Variants in ABCB1 observed in about 807,000 individuals in gnomAD.
The protein encoded by ABCB1 is ATP-dependent translocase ABCB1.
Under a neutral mutation model 142.0 loss-of-function variants are expected in ABCB1, and 69 were observed. That is an observed-to-expected ratio of 0.49 (90% CI 0.40 to 0.59). The LOEUF is 0.59. ABCB1 is among the 20% of genes least tolerant of loss of function. The pLI is 0.00. For synonymous variants in ABCB1, 532 were observed against 539.2 expected (o/e 0.99, Z 0.18); for missense variants, 1,326 against 1,554.7 (o/e 0.85, Z 2.47).
intron 2 of ABCB1, among the ~76,000 whole-genome samples, chr7:87,597,934 C>G (rs920531052): frequency 7.2e-5 from 11 of 152,034 alleles, no homozygotes; most frequent in African/African-American, 2.4e-4. Context: ...AGTTATATCT[C>G]TTTAGTCTCT....
intron 20 of ABCB1, among the ~76,000 whole-genome samples, chr7:87,533,573 C>T (rs1816154759): frequency 6.6e-6 from 1 of 152,206 alleles, no homozygotes; most frequent in Non-Finnish European, 1.5e-5. Flanking sequence ...ACACTGATTA[C>T]TATTCCTTTA....
chr7:87,635,399 A>G (rs2130237573), intron 1 of ABCB1, among the ~76,000 whole-genome samples: 1 of 152,306 alleles, frequency 6.6e-6, no homozygotes, highest in Non-Finnish European at 1.5e-5. Flanking sequence ...TCTGTGAGAA[A>G]TCTCTGTGTT....
chr7:87,604,525 A>G (rs1414084709), upstream of ABCB1, among the ~76,000 whole-genome samples: 1 of 152,124 alleles, frequency 6.6e-6, no homozygotes, highest in African/African-American at 2.4e-5. Flanking sequence ...ACATGTGATG[A>G]TAGGGGATAT....
chr7:87,709,486 G>T, intron 1 of ABCB1: 2 of 985,442 alleles, frequency 2.0e-6, no homozygotes, highest in Non-Finnish European at 2.4e-6. Flanking sequence ...CACAGGGCAA[G>T]CTAAAAGGGA....
chr7:87,688,154 G>C (rs146119078), intron 1 of ABCB1, among the ~76,000 whole-genome samples: 1 of 152,182 alleles, frequency 6.6e-6, no homozygotes, highest in East Asian at 1.9e-4. Flanking sequence ...GGAAATTCAG[G>C]AAAGGTGAAG....
intron 2 of ABCB1, 115 bp from the exon 3 acceptor site, chr7:87,595,929 A>AT (rs1819188934): frequency 3.9e-6 from 3 of 778,606 alleles, no homozygotes; most frequent in Non-Finnish European, 6.4e-6. Context: ...ATATGTCTAT[A>AT]TTATACAGTT....
At chr7:87,526,998 T>C (rs1035077481) in intron 21 of ABCB1, among the ~76,000 whole-genome samples, 2 of 152,082 alleles carry the variant, frequency 1.3e-5, no homozygotes, top group Non-Finnish European at 2.9e-5. Context: ...ATTTTTTTTT[T>C]CTAAAATAGG....
chr7:87,538,367 T>C (rs952515417), intron 19 of ABCB1, among the ~76,000 whole-genome samples: 1 of 152,180 alleles, frequency 6.6e-6, no homozygotes, highest in Non-Finnish European at 1.5e-5. Flanking sequence ...AGTCACTAGC[T>C]AGCAATTCCC....
chr7:87,618,651 T>C (rs986046766), intron 1 of ABCB1, among the ~76,000 whole-genome samples: 1 of 152,244 alleles, frequency 6.6e-6, no homozygotes, highest in Non-Finnish European at 1.5e-5. Flanking sequence ...GTATTACTCC[T>C]GTGATTACAT....
intron 3 of ABCB1, among the ~76,000 whole-genome samples, chr7:87,587,718 A>C (rs530823708): frequency 9.5e-4 from 144 of 151,994 alleles, no homozygotes; most frequent in Middle Eastern, 6.8e-3. Context: ...AAAATACAAA[A>C]AAAGAAATTA....
chr7:87,695,618 T>G (rs550990141), intron 1 of ABCB1, among the ~76,000 whole-genome samples: 1 of 152,250 alleles, frequency 6.6e-6, no homozygotes, highest in Middle Eastern at 3.4e-3. Context: ...AACAGAACTT[T>G]CATTTGTGAA....
rs149475798 is a variant in ABCB1, at chr7:87,554,866, C to T, written c.828-934G>A. Among the ~76,000 whole-genome samples, 41 of 152,170 alleles carry T rather than the reference C, an allele frequency of 2.7e-4. No homozygotes were observed. In the East Asian group the frequency reaches 7.5e-3, roughly 28 times the overall value. On this transcript the variant is annotated intron_variant, in intron 8 of 27. Transcript: ENST00000622132. ...ACATTAACCAAACCTGGTGAGGACC[C>T]ATTAATACTTCTTAGAGCAAATATA...
At chr7:87,597,628 T>C (rs1447783615) in intron 2 of ABCB1, among the ~76,000 whole-genome samples, 1 of 152,108 alleles carries the variant, frequency 6.6e-6, no homozygotes, top group African/African-American at 2.4e-5. Context: ...CATAATTCTT[T>C]AAGCTATCAA....
chr7:87,687,149 C>T (rs1827548499), intron 1 of ABCB1, among the ~76,000 whole-genome samples: 1 of 151,984 alleles, frequency 6.6e-6, no homozygotes, highest in Non-Finnish European at 1.5e-5. Flanking sequence ...TATATTGATT[C>T]TTAATATTTT....
intron 7 of ABCB1, chr7:87,564,200 C>G (rs1817694335): frequency 2.3e-6 from 1 of 440,042 alleles, no homozygotes; most frequent in South Asian, 1.7e-5. Flanking sequence ...AATAAACCTG[C>G]CTTACTCTAG....
intron 23 of ABCB1, among the ~76,000 whole-genome samples, chr7:87,517,952 A>G (rs1226379716): frequency 6.6e-6 from 1 of 152,194 alleles, no homozygotes; most frequent in Non-Finnish European, 1.5e-5. Flanking sequence ...ACTTCCTTTT[A>G]CATAAGACAG....
At chr7:87,541,228 T>C (rs1475834495) in intron 18 of ABCB1, 129 bp downstream of exon 18, 2 of 675,406 alleles carry the variant, frequency 3.0e-6, no homozygotes, top group Non-Finnish European at 5.2e-6. Flanking sequence ...TCAGAAAAAC[T>C]TGGCTGTTAG....
At chr7:87,631,724 GA>G (rs1300203092) in intron 1 of ABCB1, among the ~76,000 whole-genome samples, 2 of 152,166 alleles carry the variant, frequency 1.3e-5, no homozygotes, top group African/African-American at 4.8e-5. Flanking sequence ...AATCAGAGAT[GA>G]TTTGATATTT....
chr7:87,616,866 T>C (rs1202623693), intron 1 of ABCB1, among the ~76,000 whole-genome samples: 2 of 152,100 alleles, frequency 1.3e-5, no homozygotes, highest in Non-Finnish European at 2.9e-5. Context: ...TCTCTTGTGA[T>C]AAGAAACCAA....
Sources: gnomAD v4.1 joint callset for allele counts (sites outside exome capture counted in the v4.1 genomes callset) on GRCh38, gnomAD v4.1.1 for gene constraint, MANE v1.5 for transcripts, NCBI Gene and HGNC (gene_info 2026-07-23, HGNC 2026-07-21) for gene names.